The following FAT3 variants were observed in gnomAD, a reference collection of about 807,000 sequenced individuals.
FAT3 encodes FAT atypical cadherin 3.
FAT3 carries 95 observed loss-of-function variants against 310.2 expected under a neutral mutation model. The ratio of observed to expected loss-of-function variants is 0.31; its 90% CI spans 0.26 to 0.36. The LOEUF (loss-of-function observed/expected upper bound fraction) is 0.36, where lower values mean the gene tolerates loss of function less well. Among genes scored for constraint, FAT3 ranks in the 10% least tolerant of loss-of-function variants. The pLI, the probability that FAT3 is intolerant of heterozygous loss-of-function variation, is 1.00. For synonymous variants in FAT3, 2,314 were observed against 2,192.9 expected (o/e 1.06, Z -1.54); for missense variants, 5,408 against 5,715.6 (o/e 0.95, Z 1.74).
intron 10 of FAT3, among the ~76,000 whole-genome samples, chr11:92,804,809 A>T (rs1192138381): frequency 6.6e-6 from 1 of 152,220 alleles, no homozygotes; most frequent in Non-Finnish European, 1.5e-5. Context: ...TCCTCTCTTG[A>T]GACTAAGTGG....
At chr11:92,241,720 A>G (rs868812834) in intron 1 of FAT3, among the ~76,000 whole-genome samples, 8 of 152,028 alleles carry the variant, frequency 5.3e-5, no homozygotes, top group Admixed American at 2.6e-4. Context: ...GTTAAAGGGT[A>G]TTATTTATTT....
intron 2 of FAT3, among the ~76,000 whole-genome samples, chr11:92,368,406 G>C (rs1227687801): frequency 1.3e-5 from 2 of 151,948 alleles, no homozygotes; most frequent in East Asian, 3.9e-4. Context: ...TAATAATACT[G>C]CTGCAAGTCT....
chr11:92,275,858 A>G (rs915304905), intron 1 of FAT3, among the ~76,000 whole-genome samples: 9 of 152,010 alleles, frequency 5.9e-5, no homozygotes, highest in African/African-American at 2.2e-4. Flanking sequence ...CAACTCTCCT[A>G]GGTTAAGAAA....
At chr11:92,774,263 T>C in intron 7 of FAT3, 83 bp downstream of exon 7, 2 of 1,391,960 alleles carry the variant, frequency 1.4e-6, no homozygotes, top group South Asian at 1.5e-5. Flanking sequence ...AAAAATGTAA[T>C]GGAAGTAGTA....
intron 2 of FAT3, among the ~76,000 whole-genome samples, chr11:92,513,133 A>AG (rs1953363842): frequency 4.8e-5 from 2 of 41,446 alleles, no homozygotes; most frequent in African/African-American, 1.4e-4. Flanking sequence ...AAAAAAAAAA[A>AG]AAAAGATTAT....
intron 6 of FAT3, 111 bp downstream of exon 6, chr11:92,765,200 TA>T: frequency 1.1e-6 from 1 of 937,786 alleles, no homozygotes; most frequent in Non-Finnish European, 1.6e-6. Context: ...GTGCCAAGAT[TA>T]AAAGATGTAT....
chr11:92,625,741 T>G (rs1157346834), intron 3 of FAT3, among the ~76,000 whole-genome samples: 1 of 32,194 alleles, frequency 3.1e-5, no homozygotes, highest in Non-Finnish European at 5.8e-5. Context: ...TCCTTCAACT[T>G]TTTTTTTTTT....
At chr11:92,362,094 C>T (rs1948896085) in intron 2 of FAT3, among the ~76,000 whole-genome samples, 1 of 152,112 alleles carries the variant, frequency 6.6e-6, no homozygotes, top group Non-Finnish European at 1.5e-5. Flanking sequence ...ACTCACAGGC[C>T]CGTGCCTATG....
At chr11:92,712,402 G>A (rs1002820658) in intron 4 of FAT3, among the ~76,000 whole-genome samples, 9 of 151,894 alleles carry the variant, frequency 5.9e-5, no homozygotes, top group Non-Finnish European at 1.5e-5. Flanking sequence ...ACGGAGGGAG[G>A]GCATGAAAAA....
chr11:92,252,131 G>A (rs1166965552), intron 1 of FAT3, among the ~76,000 whole-genome samples: 1 of 152,118 alleles, frequency 6.6e-6, no homozygotes, highest in East Asian at 1.9e-4. Context: ...AATGTGTGAG[G>A]AATGGAAGCT....
intron 4 of FAT3, among the ~76,000 whole-genome samples, chr11:92,756,133 T>C (rs983493005): frequency 3.3e-5 from 5 of 152,216 alleles, no homozygotes; most frequent in African/African-American, 9.6e-5. Context: ...ACCAATAAAG[T>C]AGTTGCCCCT....
chr11:92,729,383 C>A (rs994161317), intron 4 of FAT3, among the ~76,000 whole-genome samples: 2 of 151,880 alleles, frequency 1.3e-5, no homozygotes, highest in African/African-American at 2.4e-5. Context: ...TGTGGGAAAA[C>A]CCAGTCATCA....
At chr11:92,443,297 G>A (rs1410485606) in intron 2 of FAT3, among the ~76,000 whole-genome samples, 2 of 152,214 alleles carry the variant, frequency 1.3e-5, no homozygotes, top group African/African-American at 2.4e-5. Context: ...GCAATGGGAT[G>A]TCAGTAGCTG....
At chr11:92,376,404 AG>A (rs1949346738) in intron 2 of FAT3, among the ~76,000 whole-genome samples, 1 of 152,214 alleles carries the variant, frequency 6.6e-6, no homozygotes, top group Admixed American at 6.5e-5. Context: ...ACAGTGGGAA[AG>A]CAGCCTGTGT....
intron 11 of FAT3, 115 bp from the exon 12 acceptor site, chr11:92,806,247 T>G: frequency 1.0e-6 from 1 of 971,196 alleles, no homozygotes; most frequent in Non-Finnish European, 1.5e-6. Flanking sequence ...AGGAAAAAAA[T>G]AACAAAAGCT....
intron 1 of FAT3, among the ~76,000 whole-genome samples, chr11:92,305,547 A>G (rs1591080325): frequency 1.3e-5 from 2 of 152,292 alleles, no homozygotes; most frequent in East Asian, 3.9e-4. Context: ...TTAAGGTGGA[A>G]AACCTAGCAA....
intron 1 of FAT3, among the ~76,000 whole-genome samples, chr11:92,289,801 T>G (rs1343396450): frequency 6.6e-6 from 1 of 152,078 alleles, no homozygotes; most frequent in Non-Finnish European, 1.5e-5. Context: ...GTCTCTTTGC[T>G]TCTGCCCTTC....
At chr11:92,617,871 C>T (rs1940887967) in intron 3 of FAT3, among the ~76,000 whole-genome samples, 1 of 152,130 alleles carries the variant, frequency 6.6e-6, no homozygotes, top group South Asian at 2.1e-4. Context: ...GCACCCGGCT[C>T]TATGAGGTGT....
At chr11:92,835,929 C>T (rs1043588644) in intron 15 of FAT3, among the ~76,000 whole-genome samples, 1 of 152,168 alleles carries the variant, frequency 6.6e-6, no homozygotes, top group Non-Finnish European at 1.5e-5. Flanking sequence ...CATCCTTCCC[C>T]ATCCCTTGGC....
Sources: gnomAD v4.1 joint callset for allele counts (sites outside exome capture counted in the v4.1 genomes callset) on GRCh38, gnomAD v4.1.1 for gene constraint, MANE v1.5 for transcripts, NCBI Gene and HGNC (gene_info 2026-07-23, HGNC 2026-07-21) for gene names.